Variants in ITGA4 observed in about 807,000 individuals in gnomAD.
The protein encoded by ITGA4 is integrin alpha-4.
ITGA4 carries 63 observed loss-of-function variants against 133.6 expected under a neutral mutation model. The ratio of observed to expected loss-of-function variants is 0.47; its 90% CI spans 0.38 to 0.58. The LOEUF is 0.58. Among genes scored for constraint, ITGA4 ranks in the 20% least tolerant of loss-of-function variants. ITGA4 has a pLI of 0.00. For synonymous variants in ITGA4, 483 were observed against 438.0 expected (o/e 1.10, Z -1.28); for missense variants, 1,076 against 1,252.7 (o/e 0.86, Z 2.13).
At chr2:181,527,453 A>C (rs747058933) in intron 22 of ITGA4, 66 bp downstream of exon 22, 1 of 1,091,584 alleles carries the variant, frequency 9.2e-7, no homozygotes, top group Non-Finnish European at 1.4e-6. Context: ...GCATTGCTCC[A>C]AGGGACATTG....
intron 2 of ITGA4, among the ~76,000 whole-genome samples, chr2:181,465,395 T>G (rs1685387113): frequency 6.6e-6 from 1 of 152,252 alleles, no homozygotes; most frequent in Admixed American, 6.5e-5. Flanking sequence ...TGACCTCCTT[T>G]AATTCTTTCA....
chr2:181,479,980 CT>C lies in ITGA4; in HGVS notation c.625-146del, dbSNP rs530484523. ...GAAATCCATTAGCCAACTTCTCTGG[CT>C]TTTTTTTTTTCCTAGTATGTTTTAA... On this transcript the variant is annotated intron_variant, in intron 5 of 27. Coordinates refer to ENST00000397033, the MANE Select transcript of ITGA4 (RefSeq NM_000885.6). Among the ~76,000 whole-genome samples, 1,432 of 146,032 alleles carry C rather than the reference CT, an allele frequency of 9.8e-3. 23 individuals carry two copies. Among genetic ancestry groups the C allele is most frequent in the African/African-American group, 0.03 (1,223 of 40,318 alleles).
chr2:181,462,076 A>G (rs528583525), intron 2 of ITGA4, among the ~76,000 whole-genome samples: 4 of 152,216 alleles, frequency 2.6e-5, no homozygotes, highest in South Asian at 2.1e-4. Flanking sequence ...AAAATTTCCA[A>G]TGGGCTTGTA....
Position 181,475,302 on chromosome 2 carries a change from T to A in ITGA4, c.556+14T>A, listed in dbSNP as rs199617716. The A allele has an allele frequency of 6.3e-7, 1 of 1,596,916 alleles. No individual in the cohort carries two copies. The highest frequency in any genetic ancestry group is 8.6e-7 in the Non-Finnish European group (1 of 1,167,986). On this transcript the variant is annotated intron_variant, in intron 4 of 27. Transcript: ENST00000397033. Reference sequence around the variant, plus strand: ...CGTGTTATCAAGGTAAGGCATGATTTTGATACGAATTAGATAAAGATAAGT... The same window carrying A: ...CGTGTTATCAAGGTAAGGCATGATTATGATACGAATTAGATAAAGATAAGT...
chr2:181,505,613 AC>A (rs750655477), intron 15 of ITGA4, among the ~76,000 whole-genome samples: 7 of 152,134 alleles, frequency 4.6e-5, no homozygotes, highest in Non-Finnish European at 8.8e-5. Context: ...TTTTGATATT[AC>A]AGCTTTTGTC....
intron 9 of ITGA4, among the ~76,000 whole-genome samples, chr2:181,485,569 G>A (rs1685896323): frequency 6.6e-6 from 1 of 152,138 alleles, no homozygotes; most frequent in Non-Finnish European, 1.5e-5. Flanking sequence ...TGCACAGTGT[G>A]TTGTCTTTAG....
rs2887191 is a variant in ITGA4 at position 181,516,580 on chromosome 2, C to T, written c.1922+4805C>T. On this transcript the variant is annotated intron_variant, in intron 17 of 27. Coordinates refer to ENST00000397033, the MANE Select transcript of ITGA4 (RefSeq NM_000885.6). This position sits in a 1 kb window ranked among gnomAD's most constrained non-coding sequence, Gnocchi z 4.0. ...ATTTGATGTATTCTGATTAACCAGA[C>T]GTGTGTTACCTGTTTATCCCTGATT... is the stretch of plus-strand genomic sequence containing the variant. Among the ~76,000 whole-genome samples the T allele has an allele frequency of 0.6, 91,637 of 151,842 alleles. 28,018 individuals carry two copies. The highest frequency in any genetic ancestry group is 0.84 in the South Asian group (4,029 of 4,820).
In ITGA4 at chr2:181,538,382, ACTGAGAAGGT is replaced by A; in HGVS notation, c.*2860_*2869del. ...TCCCAACAGAGCTGTAATCTAGAAA[ACTGAGAAGGT>A]CTGATTGATAAATCATCAACAACAA... On this transcript the variant is annotated 3_prime_UTR_variant, in exon 28 of 28. Transcript: ENST00000397033. 4.9e-6 allele frequency: 3 copies of A among 617,248 alleles called. No homozygotes were observed. Among genetic ancestry groups the A allele is most frequent in the Non-Finnish European group, 5.9e-6 (2 of 339,828 alleles). The allele number at this position is 617,248 out of a possible 1,614,324, so 38.2% of individuals were successfully genotyped here.
chr2:181,508,424 G>A (rs1255025957), intron 15 of ITGA4, among the ~76,000 whole-genome samples: 5 of 152,046 alleles, frequency 3.3e-5, no homozygotes, highest in Non-Finnish European at 7.4e-5. Context: ...GGCTGGGCGC[G>A]GTGGTTCAAG....
At chr2:181,472,362 C>T (rs555610900) in intron 2 of ITGA4, among the ~76,000 whole-genome samples, 1 of 152,236 alleles carries the variant, frequency 6.6e-6, no homozygotes, top group South Asian at 2.1e-4. Context: ...TTCTGGGTGG[C>T]TCTCTCTAGA....
Position 181,538,463 on chromosome 2 carries a change from G to T in ITGA4, c.*2936G>T, listed in dbSNP as rs1687314118. Among the ~76,000 whole-genome samples, 1 of 152,042 alleles carries T rather than the reference G, an allele frequency of 6.6e-6. No individual in the cohort carries two copies. The highest frequency in any genetic ancestry group is 6.6e-5 in the Admixed American group (1 of 15,236). ...TAACTGACTTCCTTGATTGTCCAATGCTCTCCATTACCTCTGTAAAACAGT... is the reference window on the plus strand; with the variant it reads ...TAACTGACTTCCTTGATTGTCCAATTCTCTCCATTACCTCTGTAAAACAGT... On this transcript the variant is annotated 3_prime_UTR_variant, in exon 28 of 28. Transcript: ENST00000397033.
intron 4 of ITGA4, chr2:181,475,720 C>T: frequency 6.9e-7 from 1 of 1,439,056 alleles, no homozygotes; most frequent in East Asian, 2.5e-5. Flanking sequence ...TTCATTCGCA[C>T]TCACTATCTC....
At chr2:181,468,392 G>C (rs1417926473) in intron 2 of ITGA4, among the ~76,000 whole-genome samples, 1 of 152,134 alleles carries the variant, frequency 6.6e-6, no homozygotes, top group African/African-American at 2.4e-5. Flanking sequence ...TTCTAGTAAA[G>C]GATTTTTTTG....
At position 181,511,207 on chromosome 2, in the gene ITGA4, TTA is replaced by T. The variant is rs1182937697; in HGVS notation, c.1846-491_1846-490del. Among the ~76,000 whole-genome samples the T allele has an allele frequency of 3.2e-4, 8 of 24,910 alleles. No individual in the cohort carries two copies. The South Asian group carries it at 0.021, about 67-fold the overall frequency. 16.3% of individuals were successfully genotyped at this position (24,910 alleles called of 152,430 possible). A position where few individuals can be genotyped will look rare whatever the true frequency, so the allele number is the denominator to read the frequency against. ...TCGAGTTAATTAAATTCTGAAACCC[TTA>T]CTTATTTAATTTTGTTCAATATTTC... On this transcript the variant is annotated intron_variant, in intron 16 of 27. Transcript: ENST00000397033.
intron 2 of ITGA4, among the ~76,000 whole-genome samples, chr2:181,468,623 G>A (rs1167727590): frequency 6.6e-6 from 1 of 152,152 alleles, no homozygotes; most frequent in East Asian, 1.9e-4. Context: ...AATGAAAGGG[G>A]GAGGAGTAAA....
At chr2:181,506,239 A>G (rs1432828565) in intron 15 of ITGA4, among the ~76,000 whole-genome samples, 1 of 152,144 alleles carries the variant, frequency 6.6e-6, no homozygotes, top group African/African-American at 2.4e-5. Context: ...GTTCACCAGA[A>G]TCTCCTATTC....
chr2:181,505,183 A>G (rs2105752535), intron 15 of ITGA4, among the ~76,000 whole-genome samples: 1 of 152,202 alleles, frequency 6.6e-6, no homozygotes, highest in Non-Finnish European at 1.5e-5. Context: ...TTTGTGGAAC[A>G]TAGATTGTGA....
In ITGA4 at chr2:181,512,734, G is replaced by A. The variant is rs144953356; in HGVS notation, c.1922+959G>A. 2.5e-3 allele frequency among the ~76,000 whole-genome samples: 374 copies of A among 152,122 alleles called. 1 individual carries two copies. The highest frequency in any genetic ancestry group is 8.4e-3 in the African/African-American group (347 of 41,510). ...TTGGCATTTATTAATAAAATGTGACGGGTGGTGAAAAAATGGGTATCACTG... is the reference window on the plus strand; with the variant it reads ...TTGGCATTTATTAATAAAATGTGACAGGTGGTGAAAAAATGGGTATCACTG... On this transcript the variant is annotated intron_variant, in intron 17 of 27. Coordinates refer to ENST00000397033, the MANE Select transcript of ITGA4 (RefSeq NM_000885.6).
intron 25 of ITGA4, among the ~76,000 whole-genome samples, chr2:181,532,970 C>T (rs914971831): frequency 6.6e-6 from 1 of 151,884 alleles, no homozygotes; most frequent in Admixed American, 6.6e-5. Context: ...TTATTGAAGC[C>T]CTTTTATTTT....
Sources: gnomAD v4.1 joint callset for allele counts (sites outside exome capture counted in the v4.1 genomes callset) on GRCh38, gnomAD v4.1.1 for gene constraint, Gnocchi (gnomAD v3.1) non-coding constraint, MANE v1.5 for transcripts, NCBI Gene and HGNC (gene_info 2026-07-23, HGNC 2026-07-21) for gene names.